EPHB2: variants seen among roughly 807,000 people sequenced by gnomAD.
EPHB2 encodes EPH receptor B2.
A neutral mutation model predicts 96.4 loss-of-function variants in EPHB2; 18 were observed. The observed-to-expected ratio is 0.19, with a 90% CI of 0.13 to 0.28. The LOEUF (loss-of-function observed/expected upper bound fraction) is 0.28. EPHB2 is among the 10% of genes least tolerant of loss of function. The pLI is 1.00. For missense variants in EPHB2, 989 were observed against 1,355.4 expected, an observed-to-expected ratio of 0.73 and a Z score of 4.25; for synonymous variants, 506 against 534.1, an observed-to-expected ratio of 0.95 and a Z score of 0.72.
At chr1:22,806,605 C>A (rs1487944848) in intron 3 of EPHB2, among the ~76,000 whole-genome samples, 1 of 152,200 alleles carries the variant, frequency 6.6e-6, no homozygotes, top group Non-Finnish European at 1.5e-5. Context: ...TAAGGTCCTA[C>A]TGCGTGTGCT....
Position 22,795,748 on chromosome 1 carries a change from C to T in EPHB2, c.811+10672C>T, listed in dbSNP as rs1314803350. ...AGGAGGCATGACTTTCTCAGCGTCC[C>T]ATATACTTTGTCAGGCAGAAGCCGG... is the stretch of plus-strand genomic sequence containing the variant. On this transcript the variant is annotated intron_variant, in intron 3 of 15. Coordinates refer to ENST00000374630, the MANE Select transcript of EPHB2 (RefSeq NM_017449.5). 2.0e-5 allele frequency among the ~76,000 whole-genome samples: 3 copies of T among 152,268 alleles called. No individual in the cohort carries two copies. In the East Asian group the frequency reaches 5.8e-4, roughly 29 times the overall value.
intron 3 of EPHB2, among the ~76,000 whole-genome samples, chr1:22,834,487 C>G (rs906750881): frequency 5.3e-5 from 8 of 152,100 alleles, no homozygotes; most frequent in Non-Finnish European, 1.2e-4. Flanking sequence ...TGTAAAGGGC[C>G]AGAAAGTTAA....
At chr1:22,877,646 G>T (rs923406623) in intron 5 of EPHB2, among the ~76,000 whole-genome samples, 1 of 152,178 alleles carries the variant, frequency 6.6e-6, no homozygotes, top group South Asian at 2.1e-4. Flanking sequence ...GGTGAGGGGG[G>T]CAGGCTCAGC....
chr1:22,878,535 A>G (rs1638921107), intron 5 of EPHB2, among the ~76,000 whole-genome samples: 1 of 152,234 alleles, frequency 6.6e-6, no homozygotes, highest in Non-Finnish European at 1.5e-5. Flanking sequence ...CACAAACTGA[A>G]GAATTCTTCA....
intron 13 of EPHB2, 89 bp from the exon 14 acceptor site, chr1:22,910,293 G>A: frequency 3.9e-6 from 6 of 1,536,942 alleles, no homozygotes; most frequent in Non-Finnish European, 5.4e-6. Context: ...GGTCAGACGT[G>A]CAATGTACTG....
intron 1 of EPHB2, among the ~76,000 whole-genome samples, chr1:22,717,655 C>CTGTG (rs1449321022): frequency 6.6e-6 from 1 of 152,246 alleles, no homozygotes; most frequent in African/African-American, 2.4e-5. Flanking sequence ...ACTGGCAGAA[C>CTGTG]TGCCTGGCAC....
At chr1:22,713,122 G>A (rs1349263899) in intron 1 of EPHB2, among the ~76,000 whole-genome samples, 1 of 152,148 alleles carries the variant, frequency 6.6e-6, no homozygotes, top group Non-Finnish European at 1.5e-5. Context: ...CCACTTGGGG[G>A]CAGGGTGGGG....
intron 1 of EPHB2, among the ~76,000 whole-genome samples, chr1:22,767,851 A>C (rs145363102): frequency 6.6e-6 from 1 of 152,206 alleles, no homozygotes; most frequent in African/African-American, 2.4e-5. Context: ...TGGGAAAGCA[A>C]TGGTCACTAA....
chr1:22,739,752 C>T (rs1360208433), intron 1 of EPHB2, among the ~76,000 whole-genome samples: 1 of 152,140 alleles, frequency 6.6e-6, no homozygotes, highest in Non-Finnish European at 1.5e-5. Flanking sequence ...TGAGGAGAAG[C>T]TGGTCTGAGC....
At chr1:22,819,536 G>A (rs1411304665) in intron 3 of EPHB2, among the ~76,000 whole-genome samples, 1 of 152,076 alleles carries the variant, frequency 6.6e-6, no homozygotes, top group African/African-American at 2.4e-5. Flanking sequence ...AATAAGTAAA[G>A]GGGTGAGGGT....
At chr1:22,864,785 G>A (rs1638408273) in intron 4 of EPHB2, 92 bp from the exon 5 acceptor site, 3 of 784,372 alleles carry the variant, frequency 3.8e-6, no homozygotes, top group Admixed American at 5.4e-5. Flanking sequence ...TCCTTTCAGA[G>A]GGGCTGAGCC....
At chr1:22,789,327 TAGAG>T (rs1460030604) in intron 3 of EPHB2, among the ~76,000 whole-genome samples, 3 of 152,186 alleles carry the variant, frequency 2.0e-5, no homozygotes, top group African/African-American at 7.2e-5. Context: ...TAATATAAAT[TAGAG>T]AAAATAAGGC....
chr1:22,773,396 C>G (rs1270331807), intron 1 of EPHB2, among the ~76,000 whole-genome samples: 2 of 152,192 alleles, frequency 1.3e-5, no homozygotes, highest in African/African-American at 4.8e-5. Flanking sequence ...CCACCTCAGC[C>G]CCACCAGCCC....
chr1:22,798,240 A>G (rs1235068840), intron 3 of EPHB2, among the ~76,000 whole-genome samples: 3 of 152,126 alleles, frequency 2.0e-5, no homozygotes, highest in African/African-American at 7.2e-5. Flanking sequence ...GAGTAACGCT[A>G]CTAACCAAGG....
At chr1:22,855,232 C>T (rs1387005963) in intron 3 of EPHB2, among the ~76,000 whole-genome samples, 4 of 152,204 alleles carry the variant, frequency 2.6e-5, no homozygotes, top group African/African-American at 9.7e-5. Flanking sequence ...GCAGTGAAGC[C>T]GCCAGCCCCC....
At chr1:22,890,558 G>GT (rs1224206203) in intron 6 of EPHB2, among the ~76,000 whole-genome samples, 2 of 152,060 alleles carry the variant, frequency 1.3e-5, no homozygotes, top group Non-Finnish European at 2.9e-5. Flanking sequence ...TTTGTTCTTT[G>GT]AGATCCCATT....
intron 3 of EPHB2, among the ~76,000 whole-genome samples, chr1:22,825,445 G>A (rs1645209276): frequency 1.3e-5 from 2 of 152,198 alleles, no homozygotes. Context: ...TAGATCAGGG[G>A]GTGAGCGGAG....
chr1:22,761,696 G>A (rs1210310490), intron 1 of EPHB2, among the ~76,000 whole-genome samples: 3 of 152,160 alleles, frequency 2.0e-5, no homozygotes, highest in African/African-American at 7.2e-5. Flanking sequence ...CTCTCTCCCT[G>A]GCAACCCTTC....
chr1:22,867,871 C>T (rs576070817), intron 5 of EPHB2, among the ~76,000 whole-genome samples: 3 of 151,974 alleles, frequency 2.0e-5, no homozygotes, highest in East Asian at 3.9e-4. Flanking sequence ...GATTCCATCT[C>T]GAAGAAGAAG....
Sources: allele counts gnomAD v4.1 joint callset (sites outside exome capture counted in the v4.1 genomes callset), GRCh38; gene constraint gnomAD v4.1.1; transcripts MANE v1.5; gene names NCBI Gene and HGNC (gene_info 2026-07-23, HGNC 2026-07-21).